The following PUM1 variants were observed in gnomAD, a reference collection of about 807,000 sequenced individuals.
PUM1 encodes the protein pumilio homolog 1.
PUM1 carries 13 observed loss-of-function variants against 131.8 expected under a neutral mutation model. That is an observed-to-expected ratio of 0.10 (90% CI 0.06 to 0.16). The LOEUF (loss-of-function observed/expected upper bound fraction) is 0.16. Ranked by LOEUF, PUM1 falls within the 10% of genes least tolerant of loss-of-function variation. The pLI is 1.00. For missense variants in PUM1, 961 were observed against 1,512.4 expected (o/e 0.64, Z 6.05); for synonymous variants, 509 against 556.5 (o/e 0.91, Z 1.20).
chr1:31,026,894 T>A (rs1385013800), intron 3 of PUM1, among the ~76,000 whole-genome samples: 3 of 151,578 alleles, frequency 2.0e-5, no homozygotes, highest in Non-Finnish European at 2.9e-5. Flanking sequence ...TACTGTTTTG[T>A]TATTAACATA....
At chr1:31,007,289 C>T (rs918253368) in intron 3 of PUM1, among the ~76,000 whole-genome samples, 187 bp from the exon 4 acceptor site, 2 of 152,116 alleles carry the variant, frequency 1.3e-5, no homozygotes, top group Non-Finnish European at 2.9e-5. Context: ...CACAGAGAGG[C>T]CTAAGGCAAG....
chr1:30,942,962 C>A (rs1639519511), intron 18 of PUM1, among the ~76,000 whole-genome samples: 1 of 152,006 alleles, frequency 6.6e-6, no homozygotes, highest in Non-Finnish European at 1.5e-5. Context: ...CGCTATGTTG[C>A]CCAGGCTGTT....
chr1:31,045,218 G>A (rs990851372), intron 2 of PUM1, among the ~76,000 whole-genome samples: 5 of 151,200 alleles, frequency 3.3e-5, no homozygotes, highest in African/African-American at 9.7e-5. Flanking sequence ...TGTAACCTCC[G>A]CCCCGACAGG....
intron 3 of PUM1, among the ~76,000 whole-genome samples, chr1:31,008,066 C>T (rs1252281036): frequency 6.6e-6 from 1 of 152,074 alleles, no homozygotes. Context: ...CATTTTTGAG[C>T]ACAAAAATAC....
intron 1 of PUM1, among the ~76,000 whole-genome samples, chr1:31,060,354 G>A (rs1366794762): frequency 3.3e-5 from 5 of 151,646 alleles, no homozygotes; most frequent in Admixed American, 2.6e-4. Flanking sequence ...CCAGCTACTC[G>A]GGAGGCTGAG....
At chr1:30,999,440 C>G (rs1642112772) in intron 5 of PUM1, among the ~76,000 whole-genome samples, 1 of 151,812 alleles carries the variant, frequency 6.6e-6, no homozygotes, top group Non-Finnish European at 1.5e-5. Context: ...AACCCCATCT[C>G]TACTAAAACT....
intron 14 of PUM1, among the ~76,000 whole-genome samples, chr1:30,955,300 C>CAAA (rs529336616): frequency 1.2e-4 from 14 of 113,548 alleles, no homozygotes; most frequent in African/African-American, 3.4e-4. Flanking sequence ...CTAAAAAATA[C>CAAA]AAAAAAAAAA....
chr1:30,955,130 A>G (rs1640101535), intron 14 of PUM1, among the ~76,000 whole-genome samples: 1 of 151,908 alleles, frequency 6.6e-6, no homozygotes, highest in Admixed American at 6.6e-5. Context: ...AAAACAGTAT[A>G]GCAGCATAAT....
chr1:31,036,554 A>G (rs1478952825), intron 2 of PUM1, among the ~76,000 whole-genome samples: 1 of 152,188 alleles, frequency 6.6e-6, no homozygotes, highest in Non-Finnish European at 1.5e-5. Context: ...CATCTCTACA[A>G]AAAATATGTT....
intron 16 of PUM1, among the ~76,000 whole-genome samples, chr1:30,951,571 C>T (rs891254537): frequency 1.3e-5 from 2 of 152,198 alleles, no homozygotes; most frequent in African/African-American, 4.8e-5. Flanking sequence ...TCTGCATCTA[C>T]ACCTTAGGGT....
At chr1:30,949,946 C>T (rs1314898317) in intron 17 of PUM1, among the ~76,000 whole-genome samples, 181 bp downstream of exon 17, 1 of 152,172 alleles carries the variant, frequency 6.6e-6, no homozygotes, top group African/African-American at 2.4e-5. Context: ...ATACAAGATA[C>T]TTGATCTGCA....
At chr1:31,003,413 G>A (rs964617981) in intron 5 of PUM1, among the ~76,000 whole-genome samples, 7 of 152,184 alleles carry the variant, frequency 4.6e-5, no homozygotes, top group Non-Finnish European at 8.8e-5. Context: ...AACAGGCAGA[G>A]CAAAGTCAGG....
chr1:30,952,688 G>GGGAGA (rs1639991504), intron 15 of PUM1, among the ~76,000 whole-genome samples: 1 of 96,052 alleles, frequency 1.0e-5, no homozygotes, highest in African/African-American at 3.5e-5. Flanking sequence ...GGGGGCGGGG[G>GGGAGA]GGGGGCGGGA....
chr1:31,026,003 A>G (rs576164711), intron 3 of PUM1, among the ~76,000 whole-genome samples: 2 of 152,312 alleles, frequency 1.3e-5, no homozygotes, highest in South Asian at 2.1e-4. Context: ...CTGTAATCCT[A>G]GCACTTTGGG....
chr1:30,957,084 T>TCACACACACACACACA (rs1300737379), intron 14 of PUM1, among the ~76,000 whole-genome samples: 1 of 50,606 alleles, frequency 2.0e-5, no homozygotes. Flanking sequence ...ACAAGGACAT[T>TCACACACACACACACA]CATACACACA....
At chr1:31,010,577 C>T (rs1570266313) in intron 3 of PUM1, among the ~76,000 whole-genome samples, 1 of 152,156 alleles carries the variant, frequency 6.6e-6, no homozygotes, top group Admixed American at 6.5e-5. Flanking sequence ...GCTGTTGCTC[C>T]GCAGCTTCCC....
At chr1:31,030,348 A>G (rs1643381014) in intron 2 of PUM1, among the ~76,000 whole-genome samples, 1 of 152,068 alleles carries the variant, frequency 6.6e-6, no homozygotes, top group Admixed American at 6.6e-5. Flanking sequence ...TACAATTTCT[A>G]CCACTGGATA....
chr1:31,004,062 C>T lies in PUM1; in HGVS notation c.720+1791G>A, dbSNP rs527612352. 4.6e-5 allele frequency among the ~76,000 whole-genome samples: 7 copies of T among 152,226 alleles called. No homozygotes were observed. In the East Asian group the frequency reaches 1.4e-3, roughly 29 times the overall value. ...GATGGTTAAAGTCCAATCTTCTGGC[C>T]CCATCTATCTAGCCTGAAGTCTTAA... On this transcript the variant is annotated intron_variant, in intron 5 of 21. Coordinates refer to ENST00000426105, the MANE Select transcript of PUM1 (RefSeq NM_001020658.2).
At chr1:30,980,251 G>T in intron 8 of PUM1, 88 bp from the exon 9 acceptor site, 1 of 1,018,740 alleles carries the variant, frequency 9.8e-7, no homozygotes, top group Non-Finnish European at 1.5e-6. Context: ...ATTCACTCCA[G>T]ACAGTAGATA....
Sources: gnomAD v4.1 joint callset for allele counts (sites outside exome capture counted in the v4.1 genomes callset) on GRCh38, gnomAD v4.1.1 for gene constraint, MANE v1.5 for transcripts, NCBI Gene and HGNC (gene_info 2026-07-23, HGNC 2026-07-21) for gene names.